Variants in TNKS observed in about 807,000 individuals in gnomAD.
The protein encoded by TNKS is poly [ADP-ribose] polymerase tankyrase-1.
Under a neutral mutation model 135.8 loss-of-function variants are expected in TNKS, and 72 were observed. That is an observed-to-expected ratio of 0.53 (90% CI 0.44 to 0.64). The LOEUF is 0.64. Ranked by LOEUF, TNKS falls within the 30% of genes least tolerant of loss-of-function variation. The pLI, the probability that TNKS is intolerant of heterozygous loss-of-function variation, is 0.00. For synonymous variants in TNKS, 849 were observed against 649.3 expected, an observed-to-expected ratio of 1.31 and a Z score of -4.68; for missense variants, 1,769 against 1,674.0, an observed-to-expected ratio of 1.06 and a Z score of -0.99.
At chr8:9,702,231 A>T (rs546281035) in intron 5 of TNKS, among the ~76,000 whole-genome samples, 66 of 152,232 alleles carry the variant, frequency 4.3e-4, no homozygotes, top group African/African-American at 1.5e-3. Context: ...ATAGCTAAAA[A>T]TTTTCCAAAT....
intron 1 of TNKS, among the ~76,000 whole-genome samples, chr8:9,570,692 A>G (rs1279154271): frequency 1.3e-5 from 2 of 152,198 alleles, no homozygotes; most frequent in Admixed American, 1.3e-4. Flanking sequence ...TAGATAATGA[A>G]TGGATCTCCT....
At chr8:9,759,863 G>T (rs1807048572) in intron 20 of TNKS, among the ~76,000 whole-genome samples, 1 of 151,952 alleles carries the variant, frequency 6.6e-6, no homozygotes, top group South Asian at 2.1e-4. Context: ...TAGTCCCAGC[G>T]ACTTGAGAGG....
At chr8:9,703,406 A>T (rs181171109) in intron 5 of TNKS, among the ~76,000 whole-genome samples, 1 of 152,342 alleles carries the variant, frequency 6.6e-6, no homozygotes, top group Non-Finnish European at 1.5e-5. Context: ...TTTTTCAGAT[A>T]GCGAGGATGA....
rs996154285 is a variant in TNKS, at chr8:9,778,611, G to A, written c.*1875G>A. The A allele has an allele frequency of 1.3e-5, 2 of 152,510 alleles. No individual in the cohort carries two copies. Among genetic ancestry groups the A allele is most frequent in the African/African-American group, 4.8e-5 (2 of 41,398 alleles). The allele number at this position is 152,510 out of a possible 1,614,324, so 9.4% of individuals were successfully genotyped here. A position where few individuals can be genotyped will look rare whatever the true frequency, so the allele number is the denominator to read the frequency against. On this transcript the variant is annotated 3_prime_UTR_variant, in exon 27 of 27. Transcript: ENST00000310430. ...GACCCAAGCTGGGTGTTTGTGTCTT[G>A]GCTACTTGTTTAATAGCACTAGAAT...
intron 1 of TNKS, among the ~76,000 whole-genome samples, chr8:9,559,506 G>C (rs1001419665): frequency 6.6e-6 from 1 of 152,150 alleles, no homozygotes; most frequent in East Asian, 1.9e-4. Context: ...GGTAAATTGT[G>C]AATCTTGGGG....
intron 22 of TNKS, 61 bp from the exon 23 acceptor site, chr8:9,764,655 C>G: frequency 7.7e-7 from 1 of 1,299,576 alleles, no homozygotes; most frequent in South Asian, 1.4e-5. Flanking sequence ...ATTTTAGACT[C>G]ATCATTGTCT....
intron 1 of TNKS, among the ~76,000 whole-genome samples, chr8:9,568,565 A>C (rs535192644): frequency 1.8e-4 from 27 of 152,346 alleles, no homozygotes; most frequent in African/African-American, 6.5e-4. Context: ...CAACATTCTT[A>C]ATGAAAAGAA....
intron 5 of TNKS, among the ~76,000 whole-genome samples, chr8:9,693,832 T>C (rs1472185109): frequency 2.0e-5 from 3 of 152,144 alleles, no homozygotes; most frequent in African/African-American, 7.2e-5. Flanking sequence ...CACACACAAT[T>C]TTCTCATTCT....
chr8:9,646,745 C>A (rs1800933719), intron 3 of TNKS, among the ~76,000 whole-genome samples: 1 of 152,028 alleles, frequency 6.6e-6, no homozygotes, highest in African/African-American at 2.4e-5. Context: ...TAGGTTTTTT[C>A]TTTTCCAAGT....
At chr8:9,709,475 A>T (rs1044380181) in intron 9 of TNKS, among the ~76,000 whole-genome samples, 4 of 152,224 alleles carry the variant, frequency 2.6e-5, no homozygotes, top group East Asian at 3.9e-4. Flanking sequence ...TTCTGAGAAT[A>T]TTTTTCTCTA....
intron 2 of TNKS, among the ~76,000 whole-genome samples, chr8:9,609,118 T>C (rs1253738043): frequency 3.3e-5 from 5 of 152,210 alleles, no homozygotes; most frequent in Non-Finnish European, 7.3e-5. Context: ...TGTATTTTAT[T>C]TTATTAAACA....
chr8:9,563,213 AC>A (rs1797405143), intron 1 of TNKS, among the ~76,000 whole-genome samples: 1 of 152,026 alleles, frequency 6.6e-6, no homozygotes, highest in Non-Finnish European at 1.5e-5. Flanking sequence ...AAGCTCTTGT[AC>A]CCATTAAACT....
intron 9 of TNKS, among the ~76,000 whole-genome samples, chr8:9,709,630 G>A (rs570553019): frequency 1.3e-5 from 2 of 152,166 alleles, no homozygotes; most frequent in Non-Finnish European, 2.9e-5. Context: ...CTTAGTTATA[G>A]ATTTCTGTAG....
intron 2 of TNKS, among the ~76,000 whole-genome samples, chr8:9,608,798 T>C (rs914730422): frequency 1.3e-5 from 2 of 152,196 alleles, no homozygotes; most frequent in Non-Finnish European, 2.9e-5. Context: ...GGTTGGCAAA[T>C]TGTGTTAGGC....
intron 6 of TNKS, among the ~76,000 whole-genome samples, chr8:9,705,047 A>C (rs1214495416): frequency 6.6e-6 from 1 of 152,172 alleles, no homozygotes; most frequent in African/African-American, 2.4e-5. Context: ...CATTTTAGAA[A>C]AATAAAACAA....
chr8:9,721,238 C>T (rs1164601728), intron 12 of TNKS, among the ~76,000 whole-genome samples: 5 of 146,556 alleles, frequency 3.4e-5, no homozygotes, highest in Non-Finnish European at 7.5e-5. Flanking sequence ...GCCGAGATCA[C>T]GCCACTGCAC....
chr8:9,613,308 G>T (rs191600675), intron 2 of TNKS, among the ~76,000 whole-genome samples: 1 of 152,258 alleles, frequency 6.6e-6, no homozygotes, highest in East Asian at 1.9e-4. Flanking sequence ...AAATATTATG[G>T]TGAGCTGATG....
intron 3 of TNKS, among the ~76,000 whole-genome samples, chr8:9,635,234 C>T (rs995867512): frequency 1.3e-5 from 2 of 150,724 alleles, no homozygotes; most frequent in African/African-American, 4.9e-5. Flanking sequence ...ATGAAAAGAA[C>T]ATAGGAACCA....
chr8:9,689,979 A>G (rs181729859), intron 5 of TNKS, among the ~76,000 whole-genome samples: 22 of 152,350 alleles, frequency 1.4e-4, no homozygotes, highest in South Asian at 6.2e-4. Flanking sequence ...AATATTAGTT[A>G]CAAAAAGGAA....
Sources: allele counts gnomAD v4.1 joint callset (sites outside exome capture counted in the v4.1 genomes callset), GRCh38; gene constraint gnomAD v4.1.1; transcripts MANE v1.5; gene names NCBI Gene and HGNC (gene_info 2026-07-23, HGNC 2026-07-21).